The following RAP1GAP variants were observed in gnomAD, a reference collection of about 807,000 sequenced individuals.
RAP1GAP encodes rap1 GTPase-activating protein 1.
Under a neutral mutation model 87.2 loss-of-function variants are expected in RAP1GAP, and 35 were observed. The ratio of observed to expected loss-of-function variants is 0.40; its 90% CI spans 0.31 to 0.53. The LOEUF (loss-of-function observed/expected upper bound fraction) is 0.53. Among genes scored for constraint, RAP1GAP ranks in the 20% least tolerant of loss-of-function variants. RAP1GAP has a pLI of 0.48. For missense variants in RAP1GAP, 734 were observed against 898.9 expected (o/e 0.82, Z 2.35); for synonymous variants, 375 against 363.9 (o/e 1.03, Z -0.35).
intron 18 of RAP1GAP, among the ~76,000 whole-genome samples, chr1:21,604,199 G>A (rs2071915620): frequency 6.6e-6 from 1 of 152,000 alleles, no homozygotes; most frequent in African/African-American, 2.4e-5. Context: ...CACCAGATGG[G>A]CACAGAGGGA....
chr1:21,617,283 C>A, intron 7 of RAP1GAP, 23 bp downstream of exon 7: 1 of 1,554,170 alleles, frequency 6.4e-7, no homozygotes, highest in Non-Finnish European at 8.7e-7. Context: ...CAGCCAGCCC[C>A]GCTGCACCAG....
At chr1:21,611,917 C>T in intron 11 of RAP1GAP, 101 bp from the exon 12 acceptor site, 2 of 1,485,562 alleles carry the variant, frequency 1.3e-6, no homozygotes, top group Non-Finnish European at 1.9e-6. Flanking sequence ...GGACCTCTGG[C>T]AGCCCCTGGG....
chr1:21,662,343 G>A (rs1483548434), intron 1 of RAP1GAP, among the ~76,000 whole-genome samples: 1 of 152,166 alleles, frequency 6.6e-6, no homozygotes, highest in Non-Finnish European at 1.5e-5. Context: ...ATTACTATCT[G>A]TAAAACGAGG....
chr1:21,636,605 G>A (rs2094705080), intron 2 of RAP1GAP, among the ~76,000 whole-genome samples: 3 of 152,084 alleles, frequency 2.0e-5, no homozygotes, highest in African/African-American at 7.2e-5. Context: ...TCGGGAGTTT[G>A]AGACCAGCCT....
chr1:21,609,983 A>G lies in RAP1GAP; in HGVS notation c.999+137T>C. 9.0e-7 allele frequency: 1 copy of G among 1,111,220 alleles called. No individual in the cohort carries two copies. The highest frequency in any genetic ancestry group is 1.3e-6 in the Non-Finnish European group (1 of 795,976). The allele number at this position is 1,111,220 out of a possible 1,614,324, so 68.8% of individuals were successfully genotyped here. On this transcript the variant is annotated intron_variant, in intron 14 of 24. Coordinates refer to ENST00000374765, the MANE Select transcript of RAP1GAP (RefSeq NM_002885.4). This position sits in a 1 kb window ranked among gnomAD's most constrained non-coding sequence, Gnocchi z 4.4. ...TGGGGACGACAGGGGGCGTGGTGTG[A>G]ACAGTGCACCATTGAAGCCTTCCAT...
rs772171832 is a variant in RAP1GAP at position 21,609,812 on chromosome 1, T to C, written c.1000-166A>G. The stretch of plus-strand genomic sequence containing the variant: ...CCAGAGATTTCTGCCCTCTATCTTT[T>C]GCCCTGAATTTTAGTGGTGGAGATG... On this transcript the variant is annotated intron_variant, in intron 14 of 24. Coordinates refer to ENST00000374765, the MANE Select transcript of RAP1GAP (RefSeq NM_002885.4). This position sits in a 1 kb window ranked among gnomAD's most constrained non-coding sequence, Gnocchi z 4.4. 6.6e-5 allele frequency among the ~76,000 whole-genome samples: 10 copies of C among 152,184 alleles called. No individual in the cohort carries two copies. Among genetic ancestry groups the C allele is most frequent in the African/African-American group, 2.4e-4 (10 of 41,442 alleles).
chr1:21,599,742 C>A, intron 20 of RAP1GAP, 125 bp from the exon 21 acceptor site: 1 of 1,311,452 alleles, frequency 7.6e-7, no homozygotes, highest in Non-Finnish European at 1.0e-6. Flanking sequence ...TTTGAGGACC[C>A]CTTACAGATC....
chr1:21,663,461 C>T (rs2097222237), intron 1 of RAP1GAP, among the ~76,000 whole-genome samples: 1 of 152,220 alleles, frequency 6.6e-6, no homozygotes, highest in Non-Finnish European at 1.5e-5. Context: ...TCCTGGCAGC[C>T]TCTCGAGGGT....
At chr1:21,660,280 T>C (rs898852455) in intron 1 of RAP1GAP, among the ~76,000 whole-genome samples, 9 of 143,652 alleles carry the variant, frequency 6.3e-5, no homozygotes, top group African/African-American at 2.3e-4. Flanking sequence ...CAGGGCAGTG[T>C]GAGCCAGTGA....
Position 21,615,855 on chromosome 1 carries a change from C to T in RAP1GAP, c.291+1451G>A, listed in dbSNP as rs905884853. On this transcript the variant is annotated intron_variant, in intron 7 of 24. Transcript: ENST00000374765. This position sits in a 1 kb window ranked among gnomAD's most constrained non-coding sequence, Gnocchi z 4.5. The stretch of plus-strand genomic sequence containing the variant: ...TATACAGTACCCTCAGATCCTACCA[C>T]CTGCCAGACCCAGCTGGGAACCTCT... Among the ~76,000 whole-genome samples, 1 of 152,212 alleles carries T rather than the reference C, an allele frequency of 6.6e-6. No individual in the cohort carries two copies. The highest frequency in any genetic ancestry group is 6.5e-5 in the Admixed American group (1 of 15,278).
chr1:21,639,791 T>C (rs1558824078), intron 2 of RAP1GAP, among the ~76,000 whole-genome samples: 1 of 152,250 alleles, frequency 6.6e-6, no homozygotes, highest in East Asian at 1.9e-4. Flanking sequence ...TCTGACACTT[T>C]TCCTGGGAGT....
At chr1:21,614,379 G>C (rs1360798362) in intron 7 of RAP1GAP, among the ~76,000 whole-genome samples, 1 of 152,222 alleles carries the variant, frequency 6.6e-6, no homozygotes, top group Non-Finnish European at 1.5e-5. Context: ...AAGGGATGAA[G>C]TGCTTGGCTC....
At position 21,668,824 on chromosome 1, in the gene RAP1GAP, G is replaced by A. The variant is rs1173573791; in HGVS notation, c.-149+430C>T. On this transcript the variant is annotated intron_variant, in intron 1 of 24. Transcript: ENST00000374765. This position sits in a 1 kb window ranked among gnomAD's most constrained non-coding sequence, Gnocchi z 6.2. Reference sequence around the variant, plus strand: ...ACTTCCCTCCTCTGAGGACAGGAGCGCCACCCTCTGGGGGGCGCTAGGGCT... The same window carrying A: ...ACTTCCCTCCTCTGAGGACAGGAGCACCACCCTCTGGGGGGCGCTAGGGCT... Among the ~76,000 whole-genome samples, 1 of 151,912 alleles carries A rather than the reference G, an allele frequency of 6.6e-6. No individual in the cohort carries two copies. Among genetic ancestry groups the A allele is most frequent in the Non-Finnish European group, 1.5e-5 (1 of 67,930 alleles).
chr1:21,651,349 A>G (rs778882845), intron 1 of RAP1GAP: 5 of 477,612 alleles, frequency 1.0e-5, no homozygotes, highest in Middle Eastern at 3.5e-4. Flanking sequence ...TGGGAGGTCC[A>G]GCAGAACCTC....
In RAP1GAP at chr1:21,609,463, T is replaced by G; in HGVS notation, c.1071+112A>C. ...CCGGTTGCAGTTAGGGGAGCCCAGC[T>G]GCCCTGGCATACAATGAGACTTTGG... On this transcript the variant is annotated intron_variant, in intron 15 of 24. Coordinates refer to ENST00000374765, the MANE Select transcript of RAP1GAP (RefSeq NM_002885.4). The surrounding 1 kb of genome is among the most constrained non-coding windows in gnomAD (Gnocchi z 4.4). The G allele has an allele frequency of 1.7e-6, 1 of 605,654 alleles. No homozygotes were observed. The highest frequency in any genetic ancestry group is 1.9e-5 in the African/African-American group (1 of 52,586). 37.5% of individuals were successfully genotyped at this position (605,654 alleles called of 1,614,324 possible).
At chr1:21,601,436 C>T (rs1026348652) in intron 20 of RAP1GAP, among the ~76,000 whole-genome samples, 22 of 152,246 alleles carry the variant, frequency 1.4e-4, no homozygotes, top group African/African-American at 5.1e-4. Flanking sequence ...TTCTGATGGA[C>T]CTGCGGCCGT....
At chr1:21,649,275 C>T (rs540536089) in intron 2 of RAP1GAP, among the ~76,000 whole-genome samples, 37 of 151,906 alleles carry the variant, frequency 2.4e-4, no homozygotes, top group African/African-American at 7.5e-4. Context: ...TGAGGGCTGT[C>T]GGGGGGAGTA....
chr1:21,622,704 G>A lies in RAP1GAP; in HGVS notation c.-18-2654C>T, dbSNP rs983757456. ...ACACCGCGCCTGCGCGTTCCGGCCC[G>A]AGCGCTAGAAGCTTTGGGTGCGTCG... On this transcript the variant is annotated intron_variant, in intron 3 of 24. Transcript: ENST00000374765. This position sits in a 1 kb window ranked among gnomAD's most constrained non-coding sequence, Gnocchi z 5.7. 2 of 151,268 alleles carry A rather than the reference G, an allele frequency of 1.3e-5. No individual in the cohort carries two copies. Among genetic ancestry groups the A allele is most frequent in the African/African-American group, 4.8e-5 (2 of 41,312 alleles). 9.4% of individuals were successfully genotyped at this position (151,268 alleles called of 1,614,324 possible). A position where few individuals can be genotyped will look rare whatever the true frequency, so the allele number is the denominator to read the frequency against.
Position 21,634,433 on chromosome 1 carries a change from C to T in RAP1GAP, c.-112-8036G>A, listed in dbSNP as rs1456661474. ...CCCTGACCTCAGGATGCTATCTTCA[C>T]CCATTTCAGAGATAAGGAGGCAGAG... On this transcript the variant is annotated intron_variant, in intron 2 of 24. Coordinates refer to ENST00000374765, the MANE Select transcript of RAP1GAP (RefSeq NM_002885.4). This position sits in a 1 kb window ranked among gnomAD's most constrained non-coding sequence, Gnocchi z 4.1. Among the ~76,000 whole-genome samples the T allele has an allele frequency of 6.6e-6, 1 of 152,222 alleles. No individual in the cohort carries two copies. The highest frequency in any genetic ancestry group is 1.5e-5 in the Non-Finnish European group (1 of 68,048).
Sources: gnomAD v4.1 joint callset for allele counts (sites outside exome capture counted in the v4.1 genomes callset) on GRCh38, gnomAD v4.1.1 for gene constraint, Gnocchi (gnomAD v3.1) non-coding constraint, MANE v1.5 for transcripts, NCBI Gene and HGNC (gene_info 2026-07-23, HGNC 2026-07-21) for gene names.